GALNT14: variants seen among roughly 807,000 people sequenced by gnomAD.
GALNT14 encodes polypeptide N-acetylgalactosaminyltransferase 14, also known as UDP-GalNAc:polypeptide N-acetylgalactosaminyltransferase 14.
Under a neutral mutation model 77.5 loss-of-function variants are expected in GALNT14, and 60 were observed. That is an observed-to-expected ratio of 0.77 (90% CI 0.63 to 0.96). The LOEUF is 0.96. Ranked by LOEUF, GALNT14 falls within the 40% of genes least tolerant of loss-of-function variation. GALNT14 has a pLI of 0.00. For synonymous variants in GALNT14, 280 were observed against 281.7 expected (o/e 0.99, Z 0.06); for missense variants, 710 against 731.0 (o/e 0.97, Z 0.33).
chr2:30,998,604 A>T (rs1354160056), intron 1 of GALNT14, among the ~76,000 whole-genome samples: 1 of 152,246 alleles, frequency 6.6e-6, no homozygotes, highest in Non-Finnish European at 1.5e-5. Flanking sequence ...CCCAGGAAGA[A>T]TACTTACTAT....
chr2:30,958,507 G>C, intron 3 of GALNT14, 43 bp from the exon 4 acceptor site: 1 of 1,497,110 alleles, frequency 6.7e-7, no homozygotes, highest in Non-Finnish European at 9.3e-7. Flanking sequence ...ACTTCTAGTG[G>C]CAAAATATAT....
At chr2:31,020,252 AT>A (rs1671632202) in intron 1 of GALNT14, among the ~76,000 whole-genome samples, 1 of 152,228 alleles carries the variant, frequency 6.6e-6, no homozygotes, top group South Asian at 2.1e-4. Context: ...GTATTTTTTA[AT>A]TATGTTCATT....
intron 1 of GALNT14, among the ~76,000 whole-genome samples, chr2:30,995,978 C>T (rs1052900299): frequency 2.0e-5 from 3 of 152,198 alleles, no homozygotes; most frequent in Admixed American, 6.5e-5. Context: ...AGCCATGTCG[C>T]AGCTCAAAGA....
At chr2:30,914,862 G>A (rs992367489) in intron 13 of GALNT14, among the ~76,000 whole-genome samples, 6 of 152,164 alleles carry the variant, frequency 3.9e-5, no homozygotes, top group Admixed American at 6.5e-5. Flanking sequence ...TGATCTAGAA[G>A]GTGGGCCTAG....
At position 30,978,256 on chromosome 2, in the gene GALNT14, C is replaced by T. The variant is rs562151599; in HGVS notation, c.300-11954G>A. On this transcript the variant is annotated intron_variant, in intron 2 of 14. Coordinates refer to ENST00000349752, the MANE Select transcript of GALNT14 (RefSeq NM_024572.4). ...CCAAACTGTCACTGTTGTGCAGTTT[C>T]GCTGAAATCACTTCCTCCACCACAC... 1.5e-4 allele frequency among the ~76,000 whole-genome samples: 23 copies of T among 152,328 alleles called. 1 individual carries two copies. The East Asian group carries it at 2.1e-3, about 14-fold the overall frequency.
intron 1 of GALNT14, among the ~76,000 whole-genome samples, chr2:31,037,836 T>C (rs1672836383): frequency 1.3e-5 from 2 of 151,868 alleles, no homozygotes; most frequent in South Asian, 4.1e-4. Flanking sequence ...CTTTCTACAC[T>C]AGCTGTTTAT....
chr2:31,122,464 A>T (rs1678461850), intron 1 of GALNT14, among the ~76,000 whole-genome samples: 1 of 152,234 alleles, frequency 6.6e-6, no homozygotes. Context: ...GTGGAGTATG[A>T]TTCACACAGG....
intron 2 of GALNT14, among the ~76,000 whole-genome samples, chr2:30,989,585 A>AT (rs1324173690): frequency 2.5e-4 from 22 of 87,926 alleles, no homozygotes; most frequent in African/African-American, 8.4e-4. Context: ...TATATATAAA[A>AT]ATATATATAT....
intron 1 of GALNT14, among the ~76,000 whole-genome samples, chr2:30,996,433 G>A (rs1670034087): frequency 6.6e-6 from 1 of 152,252 alleles, no homozygotes; most frequent in African/African-American, 2.4e-5. Flanking sequence ...AGGTGGGAAG[G>A]GACGCTGGAA....
intron 13 of GALNT14, among the ~76,000 whole-genome samples, chr2:30,921,928 C>T (rs1472894537): frequency 6.6e-6 from 1 of 152,146 alleles, no homozygotes; most frequent in African/African-American, 2.4e-5. Flanking sequence ...AAGAAACGTC[C>T]AGCTCAAATG....
At chr2:31,018,440 A>G (rs1001704695) in intron 1 of GALNT14, among the ~76,000 whole-genome samples, 4 of 152,196 alleles carry the variant, frequency 2.6e-5, no homozygotes, top group Non-Finnish European at 4.4e-5. Flanking sequence ...ACATGGCAGC[A>G]GGTGACAGAG....
rs13422179 is a variant in GALNT14 at position 31,025,163 on chromosome 2, C to G, written c.130-32156G>C. ...GCTTCACATGAATCATCTCATTTCA[C>G]CCTTGCCATAATTCTAAGATGTAGT... On this transcript the variant is annotated intron_variant, in intron 1 of 14. Coordinates refer to ENST00000349752, the MANE Select transcript of GALNT14 (RefSeq NM_024572.4). Among the ~76,000 whole-genome samples the G allele has an allele frequency of 3.0e-3, 456 of 152,332 alleles. 5 individuals carry two copies. Among genetic ancestry groups the G allele is most frequent in the African/African-American group, 9.9e-3 (412 of 41,578 alleles).
chr2:31,027,569 A>C lies in GALNT14; in HGVS notation c.130-34562T>G, dbSNP rs542861412. Among the ~76,000 whole-genome samples the C allele has an allele frequency of 1.7e-3, 255 of 152,312 alleles. 2 individuals carry two copies. Among genetic ancestry groups the C allele is most frequent in the African/African-American group, 5.8e-3 (242 of 41,578 alleles). ...TCCTCGACAAAAGGGATCATGTCTG[A>C]GATCAGCCAACCTTGGCAACTTTAG... is the stretch of plus-strand genomic sequence containing the variant. On this transcript the variant is annotated intron_variant, in intron 1 of 14. Coordinates refer to ENST00000349752, the MANE Select transcript of GALNT14 (RefSeq NM_024572.4).
At chr2:30,888,339 C>T in the GALNT14 span, among the ~76,000 whole-genome samples, 5 of 152,230 alleles carry the variant, frequency 3.3e-5, no homozygotes, top group African/African-American at 1.2e-4. Context: ...ACCAGCTCTG[C>T]TGCCTACTAC....
chr2:30,929,640 G>C (rs1269286165), intron 10 of GALNT14, among the ~76,000 whole-genome samples, 153 bp from the exon 11 acceptor site: 1 of 152,192 alleles, frequency 6.6e-6, no homozygotes, highest in African/African-American at 2.4e-5. Flanking sequence ...TGTTCCCAGG[G>C]CACTGAGCCC....
chr2:31,131,386 T>C (rs752184495), intron 1 of GALNT14, among the ~76,000 whole-genome samples: 1 of 152,004 alleles, frequency 6.6e-6, no homozygotes, highest in Non-Finnish European at 1.5e-5. Flanking sequence ...CCCAAACAGA[T>C]GGTGAGTCTA....
rs781023885 is a variant in GALNT14, at chr2:30,942,271, G to T, written c.861C>A (p.Ile287=). 2 of 1,614,006 alleles carry T rather than the reference G, an allele frequency of 1.2e-6. No homozygotes were observed. Among genetic ancestry groups the T allele is most frequent in the Non-Finnish European group, 1.7e-6 (2 of 1,179,966 alleles). The change falls in exon 9 of 15, where the codon ATC becomes ATA. Residue 287 remains isoleucine (I), a synonymous_variant. Transcript: ENST00000349752. Reference sequence around the variant, plus strand: ...CCAGGTAATCAAACCAAGCTTTGTCGATCACGAAGAGCCCTCCAGCTATGA... The same window carrying T: ...CCAGGTAATCAAACCAAGCTTTGTCTATCACGAAGAGCCCTCCAGCTATGA... ...TPIIAGGLFV[I]DKAWFDYLGK...
Position 30,962,981 on chromosome 2 carries a change from C to T in GALNT14, c.398+3223G>A, listed in dbSNP as rs114945432. Among the ~76,000 whole-genome samples the T allele has an allele frequency of 4.6e-3, 698 of 152,284 alleles. 6 individuals are homozygous for T. The highest frequency in any genetic ancestry group is 0.016 in the African/African-American group (671 of 41,556). Reference sequence around the variant, plus strand: ...GAAGTAATCTTTCCTGCCTCCACCCCTAACATTCATTTCTGCCCTGCCTGC... The same window carrying T: ...GAAGTAATCTTTCCTGCCTCCACCCTTAACATTCATTTCTGCCCTGCCTGC... On this transcript the variant is annotated intron_variant, in intron 3 of 14. Coordinates refer to ENST00000349752, the MANE Select transcript of GALNT14 (RefSeq NM_024572.4).
At chr2:31,001,474 C>A (rs897180851) in intron 1 of GALNT14, among the ~76,000 whole-genome samples, 2 of 152,184 alleles carry the variant, frequency 1.3e-5, no homozygotes, top group Non-Finnish European at 2.9e-5. Context: ...AAACCTGAGT[C>A]TTCTGTAATT....
Sources: gnomAD v4.1 joint callset for allele counts (sites outside exome capture counted in the v4.1 genomes callset) on GRCh38, gnomAD v4.1.1 for gene constraint, MANE v1.5 for transcripts, NCBI Gene and HGNC (gene_info 2026-07-23, HGNC 2026-07-21) for gene names.